The following ITSN1 variants were observed in gnomAD, a reference collection of about 807,000 sequenced individuals.
ITSN1 encodes the protein intersectin 1.
In ITSN1, 58 loss-of-function variants were observed where a neutral mutation model predicts 239.8. That is an observed-to-expected ratio of 0.24 (90% CI 0.20 to 0.30). ITSN1 has a LOEUF of 0.30. Among genes scored for constraint, ITSN1 ranks in the 10% least tolerant of loss-of-function variants. The probability of loss-of-function intolerance (pLI) is 1.00; values close to 1 mark genes in which losing one functional copy is unlikely to be tolerated. For synonymous variants in ITSN1, 780 were observed against 770.8 expected, an observed-to-expected ratio of 1.01 and a Z score of -0.20; for missense variants, 1,558 against 2,103.3, an observed-to-expected ratio of 0.74 and a Z score of 5.07.
At chr21:33,768,984 T>TCA (rs1228861365) in intron 11 of ITSN1, among the ~76,000 whole-genome samples, 1 of 152,158 alleles carries the variant, frequency 6.6e-6, no homozygotes, top group East Asian at 1.9e-4. Flanking sequence ...AGTATGTGAG[T>TCA]GGGATAAATT....
chr21:33,763,835 GTCCCTGGAAAA>G (rs1319077929), intron 9 of ITSN1, among the ~76,000 whole-genome samples: 1 of 152,144 alleles, frequency 6.6e-6, no homozygotes, highest in East Asian at 1.9e-4. Context: ...GTTGGTGATT[GTCCCTGGAAAA>G]TAAACTTTGT....
intron 20 of ITSN1, among the ~76,000 whole-genome samples, chr21:33,806,339 C>T (rs2072449562): frequency 6.6e-6 from 1 of 152,208 alleles, no homozygotes; most frequent in South Asian, 2.1e-4. Flanking sequence ...CCACTGTCAG[C>T]TGGTCTGAAT....
chr21:33,772,011 G>A, intron 11 of ITSN1, 50 bp from the exon 12 acceptor site: 1 of 1,592,902 alleles, frequency 6.3e-7, no homozygotes, highest in Non-Finnish European at 8.6e-7. Flanking sequence ...TTTGAAAAGA[G>A]TCCGTTGAAA....
At chr21:33,666,324 T>G (rs563305212) in intron 1 of ITSN1, among the ~76,000 whole-genome samples, 4 of 152,124 alleles carry the variant, frequency 2.6e-5, no homozygotes, top group Admixed American at 2.6e-4. Context: ...GGATTTCTAT[T>G]TGGGGTGATG....
chr21:33,869,532 TTGA>T (rs779112561), intron 33 of ITSN1, among the ~76,000 whole-genome samples: 9 of 152,208 alleles, frequency 5.9e-5, no homozygotes, highest in Non-Finnish European at 1.0e-4. Context: ...ACACTGTGTG[TTGA>T]TATTAGATGA....
intron 1 of ITSN1, among the ~76,000 whole-genome samples, chr21:33,690,429 C>T (rs527781760): frequency 3.8e-4 from 58 of 151,304 alleles, no homozygotes; most frequent in African/African-American, 1.4e-3. Context: ...GAAACCCCGT[C>T]TCTACTAAAA....
chr21:33,718,027 T>C (rs2065265072), intron 1 of ITSN1, among the ~76,000 whole-genome samples: 1 of 152,178 alleles, frequency 6.6e-6, no homozygotes, highest in African/African-American at 2.4e-5. Flanking sequence ...TTACAGGATA[T>C]GGAGTTAGCA....
At chr21:33,647,464 T>C (rs75568968) in intron 1 of ITSN1, among the ~76,000 whole-genome samples, 1,963 of 152,232 alleles carry the variant, frequency 0.013, 16 homozygotes, top group Non-Finnish European at 0.022. Flanking sequence ...AACCAAATAA[T>C]ATTCCGTTTT....
At chr21:33,729,654 G>A (rs2066046529) in intron 4 of ITSN1, among the ~76,000 whole-genome samples, 1 of 152,160 alleles carries the variant, frequency 6.6e-6, no homozygotes, top group African/African-American at 2.4e-5. Flanking sequence ...GGAACAGGTA[G>A]GCTGGAGGGC....
rs549065038 is a variant in ITSN1, at chr21:33,648,909, GGA to G, written c.-33+6205_-33+6206del. On this transcript the variant is annotated intron_variant, in intron 1 of 39. Transcript: ENST00000381318. ...AAAGAGAAGGAAGGAGAAAGAAAGA[GGA>G]GAGAGAGAAAAATTAGCCTCATCAA... Among the ~76,000 whole-genome samples the G allele has an allele frequency of 1.7e-3, 264 of 151,976 alleles. 1 individual carries two copies. Among genetic ancestry groups the G allele is most frequent in the Middle Eastern group, 0.014 (4 of 294 alleles).
chr21:33,771,416 A>C (rs2069149339), intron 11 of ITSN1, among the ~76,000 whole-genome samples: 1 of 152,222 alleles, frequency 6.6e-6, no homozygotes, highest in South Asian at 2.1e-4. Context: ...ACTGCTGAGG[A>C]CAGTAAGGGA....
At chr21:33,769,973 C>T (rs1179837027) in intron 11 of ITSN1, among the ~76,000 whole-genome samples, 1 of 152,012 alleles carries the variant, frequency 6.6e-6, no homozygotes, top group African/African-American at 2.4e-5. Flanking sequence ...GTTGGGATTA[C>T]AGGTGTGAGC....
intron 1 of ITSN1, among the ~76,000 whole-genome samples, chr21:33,712,559 T>C (rs1199819847): frequency 6.6e-6 from 1 of 152,186 alleles, no homozygotes; most frequent in Admixed American, 6.5e-5. Context: ...TCTCTGGTTT[T>C]CCCCACACTT....
Position 33,774,646 on chromosome 21 carries a change from C to G in ITSN1, c.1306-83C>G, listed in dbSNP as rs550240161. On this transcript the variant is annotated intron_variant, in intron 12 of 39. Coordinates refer to ENST00000381318, the MANE Select transcript of ITSN1 (RefSeq NM_003024.3). ...AATATTTCATCCCTAAAAGGAAAGACTTCCTAGATGCCATTTTTGTGAAAA... is the reference window on the plus strand; with the variant it reads ...AATATTTCATCCCTAAAAGGAAAGAGTTCCTAGATGCCATTTTTGTGAAAA... The G allele has an allele frequency of 4.6e-5, 61 of 1,325,898 alleles. No individual in the cohort carries two copies. The South Asian group carries it at 7.8e-4, about 17-fold the overall frequency. The allele number at this position is 1,325,898 out of a possible 1,614,324, so 82.1% of individuals were successfully genotyped here.
chr21:33,858,959 C>T (rs1373153326), intron 31 of ITSN1, among the ~76,000 whole-genome samples, 167 bp downstream of exon 31: 1 of 151,644 alleles, frequency 6.6e-6, no homozygotes, highest in African/African-American at 2.4e-5. Flanking sequence ...TTTGTGCCTT[C>T]GTGCTTTCTG....
At chr21:33,659,338 C>T (rs1484413946) in intron 1 of ITSN1, among the ~76,000 whole-genome samples, 1 of 152,148 alleles carries the variant, frequency 6.6e-6, no homozygotes, top group Non-Finnish European at 1.5e-5. Flanking sequence ...AGAGCTTTTC[C>T]ATGTTCGGTG....
intron 1 of ITSN1, among the ~76,000 whole-genome samples, chr21:33,666,829 G>T (rs762265246): frequency 1.3e-4 from 20 of 152,064 alleles, no homozygotes; most frequent in Non-Finnish European, 2.2e-4. Flanking sequence ...TAGAGACGGG[G>T]CTTTGCTCTG....
At chr21:33,654,219 A>ATT (rs912312736) in intron 1 of ITSN1, among the ~76,000 whole-genome samples, 143 of 133,308 alleles carry the variant, frequency 1.1e-3, no homozygotes, top group Middle Eastern at 3.9e-3. Flanking sequence ...CACCTGGCTA[A>ATT]TTTTTTTTTT....
intron 6 of ITSN1, 59 bp from the exon 7 acceptor site, chr21:33,751,751 A>G (rs1225682828): frequency 7.5e-7 from 1 of 1,324,586 alleles, no homozygotes; most frequent in Non-Finnish European, 1.1e-6. Flanking sequence ...AATTTTTGTA[A>G]ATTGGGGAAA....
Sources: allele counts gnomAD v4.1 joint callset (sites outside exome capture counted in the v4.1 genomes callset), GRCh38; gene constraint gnomAD v4.1.1; transcripts MANE v1.5; gene names NCBI Gene and HGNC (gene_info 2026-07-23, HGNC 2026-07-21).